KLRG1: variants seen among roughly 807,000 people sequenced by gnomAD.
KLRG1 encodes killer cell lectin like receptor G1.
KLRG1 carries 16 observed loss-of-function variants against 21.8 expected under a neutral mutation model. The observed-to-expected ratio is 0.73, with a 90% confidence interval of 0.50 to 1.11. The LOEUF is 1.11. Among genes scored for constraint, KLRG1 ranks in the 50% most tolerant of loss-of-function variants. The pLI is 0.00. For synonymous variants in KLRG1, 69 were observed against 75.9 expected, an observed-to-expected ratio of 0.91 and a Z score of 0.47; for missense variants, 173 against 218.3, an observed-to-expected ratio of 0.79 and a Z score of 1.31.
intron 1 of KLRG1, among the ~76,000 whole-genome samples, chr12:8,971,525 G>A (rs1422470115): frequency 6.6e-6 from 1 of 151,626 alleles, no homozygotes; most frequent in Non-Finnish European, 1.5e-5. Flanking sequence ...TTGCTCTGTT[G>A]CCCAGGCTGG....
the KLRG1 span, among the ~76,000 whole-genome samples, chr12:9,129,526 T>A: frequency 6.6e-6 from 1 of 152,190 alleles, no homozygotes; most frequent in African/African-American, 2.4e-5. Flanking sequence ...TTATTGTATA[T>A]AATAATATAT....
At chr12:8,959,067 A>C (rs1306549915) in intron 1 of KLRG1, among the ~76,000 whole-genome samples, 1 of 152,158 alleles carries the variant, frequency 6.6e-6, no homozygotes, top group Non-Finnish European at 1.5e-5. Flanking sequence ...TGTCCATTCT[A>C]ATGTGGGGGC....
At chr12:9,164,069 A>G in the KLRG1 span, 4 of 1,517,360 alleles carry the variant, frequency 2.6e-6, no homozygotes, top group Admixed American at 1.9e-5. Flanking sequence ...AATATGATGA[A>G]AAAAGTACTC....
chr12:9,182,095 G>A, the KLRG1 span: 3 of 1,601,748 alleles, frequency 1.9e-6, no homozygotes, highest in Non-Finnish European at 2.6e-6. Context: ...CCACAGGGAA[G>A]GATAAGGCAA....
chr12:9,073,950 T>C, the KLRG1 span, among the ~76,000 whole-genome samples: 1 of 152,082 alleles, frequency 6.6e-6, no homozygotes, highest in Non-Finnish European at 1.5e-5. Context: ...TAGCCAGGCA[T>C]GATTGCACAT....
At chr12:8,974,193 A>T in intron 1 of KLRG1, among the ~76,000 whole-genome samples, 2 of 147,020 alleles carry the variant, frequency 1.4e-5, no homozygotes, top group Admixed American at 6.9e-5. Flanking sequence ...TTTGAGATGG[A>T]GTCTCACTCT....
the KLRG1 span, among the ~76,000 whole-genome samples, chr12:9,208,720 T>C: frequency 3.9e-5 from 6 of 152,182 alleles, no homozygotes; most frequent in Admixed American, 6.5e-5. Context: ...CATGTTACCA[T>C]GATAGTAGCT....
chr12:9,024,018 ATTTTTTTTTTTT>A, the KLRG1 span, among the ~76,000 whole-genome samples: 7 of 70,936 alleles, frequency 9.9e-5, no homozygotes, highest in African/African-American at 2.9e-4. Flanking sequence ...GAACACATGG[ATTTTTTTTTTTT>A]TTTTTTTTTT....
chr12:9,148,563 A>G, the KLRG1 span, among the ~76,000 whole-genome samples: 1 of 151,916 alleles, frequency 6.6e-6, no homozygotes, highest in Non-Finnish European at 1.5e-5. Context: ...CCTCATCTCA[A>G]ACATCTCTTC....
the KLRG1 span, among the ~76,000 whole-genome samples, chr12:9,053,090 G>T: frequency 1.5e-4 from 23 of 152,114 alleles, no homozygotes; most frequent in Non-Finnish European, 1.3e-4. Context: ...TGTCTGTGTG[G>T]GTTTCCTCTG....
At chr12:9,202,594 GAAC>G in the KLRG1 span, 1 of 1,614,116 alleles carries the variant, frequency 6.2e-7, no homozygotes, top group African/African-American at 1.3e-5. Flanking sequence ...TTCAGTACCA[GAAC>G]TGTGTTCCTC....
the KLRG1 span, among the ~76,000 whole-genome samples, chr12:9,194,789 A>G: frequency 6.6e-6 from 1 of 152,126 alleles, no homozygotes; most frequent in East Asian, 1.9e-4. Context: ...TTTAATAACT[A>G]CAACTTGCCA....
chr12:9,067,882 T>A, the KLRG1 span: 2 of 1,586,460 alleles, frequency 1.3e-6, no homozygotes, highest in Non-Finnish European at 1.7e-6. Context: ...GATTTGGGTC[T>A]CCATGAGCAG....
intron 1 of KLRG1, among the ~76,000 whole-genome samples, chr12:8,974,368 C>T (rs939203649): frequency 7.2e-5 from 11 of 151,988 alleles, no homozygotes; most frequent in East Asian, 3.9e-4. Flanking sequence ...GGGGTTTCAC[C>T]GTGTTAGCCA....
the KLRG1 span, among the ~76,000 whole-genome samples, chr12:9,177,823 GA>G: frequency 1.3e-5 from 2 of 152,116 alleles, no homozygotes; most frequent in African/African-American, 4.8e-5. Flanking sequence ...TGACTAAAAG[GA>G]ATAAGACAGA....
At chr12:9,173,318 A>G in the KLRG1 span, among the ~76,000 whole-genome samples, 1 of 152,228 alleles carries the variant, frequency 6.6e-6, no homozygotes, top group Non-Finnish European at 1.5e-5. Context: ...GGATGCAGCT[A>G]AAACAGTGTT....
the KLRG1 span, chr12:9,028,957 C>T: frequency 1.4e-5 from 9 of 624,898 alleles, no homozygotes; most frequent in African/African-American, 3.6e-5. Flanking sequence ...TCTCTCATTA[C>T]GGCACAGTCC....
the KLRG1 span, among the ~76,000 whole-genome samples, chr12:9,213,989 G>T: frequency 1.7e-3 from 263 of 152,004 alleles, no homozygotes; most frequent in African/African-American, 5.6e-3. Flanking sequence ...TAATCGATTT[G>T]AGTTAATTTT....
chr12:9,023,310 A>G, the KLRG1 span, among the ~76,000 whole-genome samples: 4 of 152,162 alleles, frequency 2.6e-5, no homozygotes. Context: ...CTTGCTTGGC[A>G]TGTGGGGAAA....
Sources: allele counts gnomAD v4.1 joint callset (sites outside exome capture counted in the v4.1 genomes callset), GRCh38; gene constraint gnomAD v4.1.1; transcripts MANE v1.5; gene names NCBI Gene and HGNC (gene_info 2026-07-23, HGNC 2026-07-21).